PPARGC1A: variants seen among roughly 807,000 people sequenced by gnomAD.
The protein encoded by PPARGC1A is peroxisome proliferator-activated receptor gamma coactivator 1-alpha.
PPARGC1A carries 25 observed loss-of-function variants against 88.7 expected under a neutral mutation model. The observed-to-expected ratio is 0.28, with a 90% CI of 0.21 to 0.39. PPARGC1A has a LOEUF of 0.39. Ranked by LOEUF, PPARGC1A falls within the 10% of genes least tolerant of loss-of-function variation. The pLI, the probability that PPARGC1A is intolerant of heterozygous loss-of-function variation, is 1.00. For missense variants in PPARGC1A, 880 were observed against 968.7 expected (o/e 0.91, Z 1.22); for synonymous variants, 363 against 355.6 (o/e 1.02, Z -0.24).
At chr4:24,201,133 A>T in the PPARGC1A span, among the ~76,000 whole-genome samples, 2 of 152,238 alleles carry the variant, frequency 1.3e-5, no homozygotes, top group Non-Finnish European at 2.9e-5. Context: ...TTTAGAAATT[A>T]TATGCCATAA....
chr4:24,257,920 T>C, the PPARGC1A span, among the ~76,000 whole-genome samples: 1 of 152,040 alleles, frequency 6.6e-6, no homozygotes, highest in Non-Finnish European at 1.5e-5. Flanking sequence ...ATATAAACAT[T>C]TTTACATATA....
chr4:24,017,594 G>A, the PPARGC1A span, among the ~76,000 whole-genome samples: 1 of 152,076 alleles, frequency 6.6e-6, no homozygotes, highest in Admixed American at 6.6e-5. Context: ...GCAGAAATGG[G>A]TGTCTCAGAA....
chr4:23,983,049 C>A, the PPARGC1A span, among the ~76,000 whole-genome samples: 4 of 151,998 alleles, frequency 2.6e-5, no homozygotes, highest in Non-Finnish European at 5.9e-5. Context: ...ATGTGGCCTG[C>A]AAAATTTAAA....
chr4:23,839,638 C>T (rs1726689796), intron 2 of PPARGC1A, among the ~76,000 whole-genome samples: 1 of 152,118 alleles, frequency 6.6e-6, no homozygotes, highest in Non-Finnish European at 1.5e-5. Flanking sequence ...TTTCTGCTAT[C>T]AGTCTGTTTT....
At chr4:24,082,231 A>G in the PPARGC1A span, among the ~76,000 whole-genome samples, 2,204 of 152,270 alleles carry the variant, frequency 0.014, 52 homozygotes, top group African/African-American at 0.05. Context: ...CTGTTTCCCC[A>G]ATATAAATGG....
At chr4:24,312,439 G>A in the PPARGC1A span, among the ~76,000 whole-genome samples, 2 of 151,852 alleles carry the variant, frequency 1.3e-5, no homozygotes, top group South Asian at 4.1e-4. Flanking sequence ...AGAAGAGAAA[G>A]GATCCCAGGA....
chr4:24,002,097 C>CACACAGAGAGAGAGAGAG, the PPARGC1A span, among the ~76,000 whole-genome samples: 3 of 125,324 alleles, frequency 2.4e-5, no homozygotes, highest in African/African-American at 9.8e-5. Flanking sequence ...CACACACACA[C>CACACAGAGAGAGAGAGAG]AGAGAGAGAG....
the PPARGC1A span, among the ~76,000 whole-genome samples, chr4:24,207,527 C>T: frequency 3.3e-5 from 5 of 152,174 alleles, no homozygotes; most frequent in Admixed American, 3.3e-4. Context: ...TGAAAAGAAA[C>T]TTGCTCATTT....
At chr4:23,856,278 T>C (rs556103601) in intron 2 of PPARGC1A, among the ~76,000 whole-genome samples, 16 of 152,328 alleles carry the variant, frequency 1.1e-4, no homozygotes, top group Non-Finnish European at 2.1e-4. Flanking sequence ...GAAAGAATTC[T>C]CTGTGCTTAT....
the PPARGC1A span, among the ~76,000 whole-genome samples, chr4:24,349,832 G>A: frequency 6.6e-6 from 1 of 152,140 alleles, no homozygotes; most frequent in Non-Finnish European, 1.5e-5. Context: ...TTCTCACCCC[G>A]TTCAAATTGT....
the PPARGC1A span, among the ~76,000 whole-genome samples, chr4:24,252,028 T>G: frequency 2.6e-5 from 4 of 152,216 alleles, no homozygotes; most frequent in Non-Finnish European, 2.9e-5. Context: ...TACTATTGTC[T>G]GTCTTTTCCC....
chr4:24,026,637 C>G, the PPARGC1A span, among the ~76,000 whole-genome samples: 3 of 152,148 alleles, frequency 2.0e-5, no homozygotes, highest in African/African-American at 7.2e-5. Flanking sequence ...GTCAAAGACT[C>G]TGTAGGAGAA....
At chr4:23,878,299 C>T (rs1005763498) in intron 2 of PPARGC1A, among the ~76,000 whole-genome samples, 3 of 150,562 alleles carry the variant, frequency 2.0e-5, no homozygotes, top group African/African-American at 7.4e-5. Context: ...GAAACATACA[C>T]ATTCTCACTT....
At chr4:23,894,909 T>C (rs1718345571), upstream of PPARGC1A, among the ~76,000 whole-genome samples, 1 of 152,148 alleles carries the variant, frequency 6.6e-6, no homozygotes, top group East Asian at 1.9e-4. Flanking sequence ...GGTTAATTTA[T>C]CTATAATGCA....
the PPARGC1A span, among the ~76,000 whole-genome samples, chr4:24,180,083 A>T: frequency 6.6e-6 from 1 of 152,176 alleles, no homozygotes; most frequent in Non-Finnish European, 1.5e-5. Context: ...GACTCTGACT[A>T]CATGTTGAAT....
chr4:24,032,764 C>T, the PPARGC1A span, among the ~76,000 whole-genome samples: 23 of 152,190 alleles, frequency 1.5e-4, no homozygotes, highest in Non-Finnish European at 2.8e-4. Context: ...CCAGACACTA[C>T]ACAGGAAGCT....
At chr4:23,829,609 G>T in intron 3 of PPARGC1A, 24 bp from the exon 4 acceptor site, 1 of 1,602,604 alleles carries the variant, frequency 6.2e-7, no homozygotes, top group Non-Finnish European at 8.5e-7. Context: ...CAGGGAAAGG[G>T]AAAAGCAAGT....
chr4:23,888,832 C>A, intron 1 of PPARGC1A: 1 of 600,170 alleles, frequency 1.7e-6, no homozygotes, highest in Non-Finnish European at 2.1e-6. Flanking sequence ...GATCCTCCCC[C>A]TTACCCTACG....
the PPARGC1A span, among the ~76,000 whole-genome samples, chr4:24,024,500 A>T: frequency 6.6e-6 from 1 of 151,888 alleles, no homozygotes; most frequent in African/African-American, 2.4e-5. Context: ...CCTTTTCTCA[A>T]CAGCCTTGGG....
Sources: gnomAD v4.1 joint callset for allele counts (sites outside exome capture counted in the v4.1 genomes callset) on GRCh38, gnomAD v4.1.1 for gene constraint, MANE v1.5 for transcripts, NCBI Gene and HGNC (gene_info 2026-07-23, HGNC 2026-07-21) for gene names.